The following SOBP variants were observed in gnomAD, a reference collection of about 807,000 sequenced individuals.
SOBP encodes the protein sine oculis binding protein homolog.
A neutral mutation model predicts 53.6 loss-of-function variants in SOBP; 4 were observed. The ratio of observed to expected loss-of-function variants is 0.07; its 90% CI spans 0.04 to 0.17. The LOEUF is 0.17. SOBP is among the 10% of genes least tolerant of loss of function. The pLI, the probability that SOBP is intolerant of heterozygous loss-of-function variation, is 1.00. For missense variants in SOBP, 1,088 were observed against 1,204.7 expected (o/e 0.90, Z 1.43); for synonymous variants, 584 against 522.6 (o/e 1.12, Z -1.60).
chr6:107,551,707 T>C (rs964764828), intron 4 of SOBP, among the ~76,000 whole-genome samples: 8 of 152,230 alleles, frequency 5.3e-5, no homozygotes, highest in Non-Finnish European at 8.8e-5. Context: ...TGATATTTTC[T>C]GTTTTATTTC....
chr6:107,552,224 A>G (rs967051681), intron 4 of SOBP, among the ~76,000 whole-genome samples: 4 of 152,232 alleles, frequency 2.6e-5, no homozygotes, highest in African/African-American at 9.6e-5. Context: ...AGTTATGCTC[A>G]ACTTTCATTG....
At chr6:107,529,525 A>G (rs993790875) in intron 3 of SOBP, 33 of 985,308 alleles carry the variant, frequency 3.3e-5, no homozygotes, top group Non-Finnish European at 3.7e-5. Context: ...TTGGACTCCC[A>G]TGAAAGTTAC....
chr6:107,497,937 T>G (rs1033383112), intron 1 of SOBP, among the ~76,000 whole-genome samples: 26 of 152,242 alleles, frequency 1.7e-4, no homozygotes, highest in Non-Finnish European at 3.4e-4. Flanking sequence ...TTACTTTTTC[T>G]AACAGTTGTA....
chr6:107,527,986 T>C (rs1783713638), intron 3 of SOBP, among the ~76,000 whole-genome samples: 1 of 152,220 alleles, frequency 6.6e-6, no homozygotes, highest in African/African-American at 2.4e-5. Context: ...GCCCTCAGGT[T>C]GCCCTAGCTC....
chr6:107,535,035 A>G (rs1162697127), intron 4 of SOBP, among the ~76,000 whole-genome samples: 5 of 152,150 alleles, frequency 3.3e-5, no homozygotes. Context: ...TTGCATTCCA[A>G]TCCAGAAGAT....
chr6:107,557,539 C>T (rs73762260), intron 4 of SOBP, among the ~76,000 whole-genome samples: 2,062 of 152,312 alleles, frequency 0.014, 49 homozygotes, highest in African/African-American at 0.047. Context: ...TGGCCTTTAG[C>T]TGTATATCAG....
chr6:107,538,298 A>G (rs926904134), intron 4 of SOBP, among the ~76,000 whole-genome samples: 1 of 152,216 alleles, frequency 6.6e-6, no homozygotes, highest in South Asian at 2.1e-4. Context: ...TTGCCCTGTT[A>G]ATCTAGTGAT....
intron 5 of SOBP, among the ~76,000 whole-genome samples, chr6:107,627,897 C>T (rs552920106): frequency 2.6e-4 from 40 of 152,276 alleles, no homozygotes; most frequent in East Asian, 7.7e-4. Flanking sequence ...GAATGGTGAG[C>T]TTAGTGTTGG....
At position 107,536,459 on chromosome 6, in the gene SOBP, A is replaced by C. The variant is rs1037677313; in HGVS notation, c.573+2849A>C. Reference sequence around the variant, plus strand: ...TGCTGCTGAAAACAAGGACAAAAATAACCCAACTCTCAAAATGATGGCCCA... The same window carrying C: ...TGCTGCTGAAAACAAGGACAAAAATCACCCAACTCTCAAAATGATGGCCCA... On this transcript the variant is annotated intron_variant, in intron 4 of 6. Coordinates refer to ENST00000317357, the MANE Select transcript of SOBP (RefSeq NM_018013.4). 3.9e-5 allele frequency among the ~76,000 whole-genome samples: 6 copies of C among 152,274 alleles called. No homozygotes were observed. The South Asian group carries it at 6.2e-4, about 16-fold the overall frequency.
intron 5 of SOBP, among the ~76,000 whole-genome samples, chr6:107,602,814 A>G (rs896449262): frequency 6.6e-6 from 1 of 152,198 alleles, no homozygotes; most frequent in Admixed American, 6.5e-5. Flanking sequence ...TTTAAGCAAA[A>G]TAAGCTTTTG....
Position 107,541,522 on chromosome 6 carries a change from A to G in SOBP, c.573+7912A>G, listed in dbSNP as rs145295384. On this transcript the variant is annotated intron_variant, in intron 4 of 6. Coordinates refer to ENST00000317357, the MANE Select transcript of SOBP (RefSeq NM_018013.4). ...TAACTTTCTTGATTAGCTAATTAGC[A>G]TTAATTAATCCCACTCCCACTCCAA... 5.4e-3 allele frequency among the ~76,000 whole-genome samples: 828 copies of G among 152,322 alleles called. 28 individuals carry two copies. In the East Asian group the frequency reaches 0.087, roughly 16 times the overall value.
At chr6:107,535,637 G>GTGTGTGT (rs1490854669) in intron 4 of SOBP, among the ~76,000 whole-genome samples, 2 of 135,290 alleles carry the variant, frequency 1.5e-5, no homozygotes, top group African/African-American at 2.7e-5. Context: ...GTGTGTGTGT[G>GTGTGTGT]TTTTTTTTTT....
chr6:107,656,994 G>T (rs846983), intron 6 of SOBP, among the ~76,000 whole-genome samples: 32,504 of 151,510 alleles, frequency 0.21, 4,577 homozygotes, highest in South Asian at 0.41. Flanking sequence ...AAGAAAAGGT[G>T]CTGTTTTGGG....
chr6:107,515,240 A>G (rs1271757087), intron 3 of SOBP, among the ~76,000 whole-genome samples: 3 of 152,228 alleles, frequency 2.0e-5, no homozygotes, highest in Non-Finnish European at 2.9e-5. Context: ...AGAATATTCC[A>G]GACCTAGATG....
In SOBP at chr6:107,551,759, G is replaced by T. The variant is rs1216512410; in HGVS notation, c.573+18149G>T. Among the ~76,000 whole-genome samples the T allele has an allele frequency of 2.0e-5, 3 of 152,140 alleles. No homozygotes were observed. In the East Asian group the frequency reaches 5.8e-4, roughly 29 times the overall value. ...ATTGGGGCTGGGCGCAGTGGCTCAT[G>T]CCTGTAATCCCAGCACTTTGGGAGG... is the stretch of plus-strand genomic sequence containing the variant. On this transcript the variant is annotated intron_variant, in intron 4 of 6. Transcript: ENST00000317357.
At chr6:107,647,285 A>G (rs1021025261) in intron 6 of SOBP, among the ~76,000 whole-genome samples, 63 of 152,230 alleles carry the variant, frequency 4.1e-4, no homozygotes, top group Middle Eastern at 3.4e-3. Flanking sequence ...AGGCTTGGAG[A>G]GGTTAAGTAT....
At chr6:107,577,585 G>T (rs187150513) in intron 4 of SOBP, among the ~76,000 whole-genome samples, 1 of 152,212 alleles carries the variant, frequency 6.6e-6, no homozygotes, top group Non-Finnish European at 1.5e-5. Context: ...GCCCCTTGTA[G>T]TCTGTACAGC....
chr6:107,546,206 C>T (rs991900842), intron 4 of SOBP, among the ~76,000 whole-genome samples: 28 of 152,228 alleles, frequency 1.8e-4, no homozygotes, highest in African/African-American at 6.5e-4. Flanking sequence ...CTCCAAGGAC[C>T]TTAGGAAGCA....
At chr6:107,646,404 C>T (rs1241151306) in intron 6 of SOBP, among the ~76,000 whole-genome samples, 1 of 152,214 alleles carries the variant, frequency 6.6e-6, no homozygotes, top group Middle Eastern at 3.2e-3. Context: ...AGAGGCCCCA[C>T]CCTTCTGACC....
Sources: allele counts gnomAD v4.1 joint callset (sites outside exome capture counted in the v4.1 genomes callset), GRCh38; gene constraint gnomAD v4.1.1; transcripts MANE v1.5; gene names NCBI Gene and HGNC (gene_info 2026-07-23, HGNC 2026-07-21).